The following PDE3A variants were observed in gnomAD, a reference collection of about 807,000 sequenced individuals.
The protein encoded by PDE3A is phosphodiesterase 3A.
A neutral mutation model predicts 98.3 loss-of-function variants in PDE3A; 43 were observed. That is an observed-to-expected ratio of 0.44 (90% CI 0.34 to 0.56). PDE3A has a LOEUF of 0.56. Among genes scored for constraint, PDE3A ranks in the 20% least tolerant of loss-of-function variants. The pLI is 0.01. For synonymous variants in PDE3A, 663 were observed against 567.9 expected (o/e 1.17, Z -2.38); for missense variants, 1,427 against 1,440.7 (o/e 0.99, Z 0.15).
At chr12:20,540,487 T>G (rs1311404549) in intron 1 of PDE3A, among the ~76,000 whole-genome samples, 1 of 152,086 alleles carries the variant, frequency 6.6e-6, no homozygotes. Flanking sequence ...CTTGGGCATA[T>G]GGGGCACACC....
chr12:20,512,194 A>G (rs1946239169), intron 1 of PDE3A, among the ~76,000 whole-genome samples: 1 of 152,066 alleles, frequency 6.6e-6, no homozygotes, highest in African/African-American at 2.4e-5. Flanking sequence ...CTATTGGTCC[A>G]TTAGTTATAA....
chr12:20,650,323 A>G, intron 13 of PDE3A, 122 bp from the exon 14 acceptor site: 1 of 511,654 alleles, frequency 2.0e-6, no homozygotes. Context: ...AGAGGTTCCC[A>G]ATTATTTGGT....
At chr12:20,512,301 C>A (rs1946241947) in intron 1 of PDE3A, among the ~76,000 whole-genome samples, 2 of 151,994 alleles carry the variant, frequency 1.3e-5, no homozygotes, top group Non-Finnish European at 2.9e-5. Context: ...CTTCAAAAGT[C>A]TTCTGTAAAA....
rs749422238 is a variant in PDE3A, at chr12:20,639,967, T to A, written c.2251+10T>A. 1.4e-5 allele frequency: 16 copies of A among 1,126,834 alleles called. No individual in the cohort carries two copies. Among genetic ancestry groups the A allele is most frequent in the Non-Finnish European group, 2.2e-5 (16 of 740,470 alleles). The allele number at this position is 1,126,834 out of a possible 1,614,324, so 69.8% of individuals were successfully genotyped here. ...TATAGGGATATTCCTTGTAAGTATATGTGATTTGTGAAATAATACTTTTAA... is the reference window on the plus strand; with the variant it reads ...TATAGGGATATTCCTTGTAAGTATAAGTGATTTGTGAAATAATACTTTTAA... On this transcript the variant is annotated intron_variant, in intron 10 of 15. Transcript: ENST00000359062.
At chr12:20,479,850 T>C (rs1945593226) in intron 1 of PDE3A, among the ~76,000 whole-genome samples, 1 of 152,294 alleles carries the variant, frequency 6.6e-6, no homozygotes, top group African/African-American at 2.4e-5. Context: ...AAGTCTTAAA[T>C]TGATTTTAAA....
At chr12:20,386,014 ATAAAATATATATAT>A (rs1565532336) in intron 1 of PDE3A, among the ~76,000 whole-genome samples, 1 of 104,324 alleles carries the variant, frequency 9.6e-6, no homozygotes. Context: ...ATAAATATAT[ATAAAATATATATAT>A]AAATATATAT....
Position 20,369,409 on chromosome 12 carries a change from G to C in PDE3A, c.125G>C (p.Gly42Ala), listed in dbSNP as rs1360250786. The change falls in exon 1 of 16, where the codon GGC becomes GCC. Residue 42 changes from glycine to alanine, a missense_variant. Gly to Ala is a moderately conservative substitution (Grantham distance 60). Around this residue, in one of 3 missense-constraint regions of PDE3A, gnomAD observed 1,012 missense variants for 886.5 expected, o/e 1.14. Coordinates refer to ENST00000359062, the MANE Select transcript of PDE3A (RefSeq NM_000921.5). ...RADPASPRDS[G>A]CRGCWGDLVL... ...GACCCCGCATCGCCGCGGGACTCGG[G>C]CTGCCGTGGCTGCTGGGGAGACCTG... 11 of 1,553,440 alleles carry C rather than the reference G, an allele frequency of 7.1e-6. No homozygotes were observed. The East Asian group carries it at 2.7e-4, about 38-fold the overall frequency.
In PDE3A at chr12:20,370,010, C is replaced by G; in HGVS notation, c.726C>G (p.Tyr242Ter). ...FKVAWRPYLAYLAGVLGILLA... is the reference protein window; with the variant it reads ...FKVAWRPYLA ...TCGCCTGGAGACCTTACCTGGCGTA[C>G]CTGGCCGGCGTGCTGGGGATCCTCT... Residue 242 changes from tyrosine to a stop codon, truncating the protein, a stop_gained, in exon 1 of 16, where the codon TAC becomes TAG. Transcript: ENST00000359062. LOFTEE classifies it high-confidence loss of function. 1 of 1,613,008 alleles carries G rather than the reference C, an allele frequency of 6.2e-7. No individual in the cohort carries two copies. Among genetic ancestry groups the G allele is most frequent in the Non-Finnish European group, 8.5e-7 (1 of 1,179,960 alleles).
At chr12:20,494,872 C>CAAAAA (rs5796864) in intron 1 of PDE3A, among the ~76,000 whole-genome samples, 2 of 143,564 alleles carry the variant, frequency 1.4e-5, no homozygotes, top group Non-Finnish European at 1.5e-5. Flanking sequence ...AACAATTCCG[C>CAAAAA]AAAAAAAAAA....
rs758267943 is a variant in PDE3A, at chr12:20,668,374, G to A, written c.3185-11656G>A. Among the ~76,000 whole-genome samples, 560 of 152,250 alleles carry A rather than the reference G, an allele frequency of 3.7e-3. 3 individuals are homozygous for A. Among genetic ancestry groups the A allele is most frequent in the East Asian group, 0.011 (55 of 5,154 alleles). On this transcript the variant is annotated intron_variant, in intron 15 of 15. Coordinates refer to ENST00000359062, the MANE Select transcript of PDE3A (RefSeq NM_000921.5). Reference sequence around the variant, plus strand: ...AGCTCAAGGAGGCCTGCCTGCCTCTGTAGGCTCCACCTCTGGGGGCAGGGC... The same window carrying A: ...AGCTCAAGGAGGCCTGCCTGCCTCTATAGGCTCCACCTCTGGGGGCAGGGC...
intron 1 of PDE3A, among the ~76,000 whole-genome samples, chr12:20,482,744 T>C (rs1178677930): frequency 1.3e-5 from 2 of 152,238 alleles, no homozygotes; most frequent in African/African-American, 4.8e-5. Flanking sequence ...ACTATGTTTT[T>C]GAATGTTTTG....
intron 1 of PDE3A, among the ~76,000 whole-genome samples, chr12:20,497,423 G>C (rs905017956): frequency 6.6e-6 from 1 of 151,504 alleles, no homozygotes; most frequent in Non-Finnish European, 1.5e-5. Flanking sequence ...TGTATTCTAA[G>C]AGTCTCCTCT....
Position 20,673,274 on chromosome 12 carries a change from T to C in PDE3A, c.3185-6756T>C, listed in dbSNP as rs1442147884. 6.6e-5 allele frequency among the ~76,000 whole-genome samples: 10 copies of C among 151,350 alleles called. No homozygotes were observed. The East Asian group carries it at 1.8e-3, about 27-fold the overall frequency. ...GTGGGACTGTAAACTAGTTCAACCATTGTGGAAGTCAGTGTGGCGATTCCT... is the reference window on the plus strand; with the variant it reads ...GTGGGACTGTAAACTAGTTCAACCACTGTGGAAGTCAGTGTGGCGATTCCT... On this transcript the variant is annotated intron_variant, in intron 15 of 15. Coordinates refer to ENST00000359062, the MANE Select transcript of PDE3A (RefSeq NM_000921.5).
chr12:20,663,892 T>G (rs1014394558), intron 15 of PDE3A, among the ~76,000 whole-genome samples: 4 of 152,148 alleles, frequency 2.6e-5, no homozygotes, highest in African/African-American at 9.7e-5. Context: ...CAGAATAATA[T>G]GATTTGGCTA....
At chr12:20,654,660 C>CTTTTTTTTTT (rs71442265) in intron 15 of PDE3A, among the ~76,000 whole-genome samples, 251 of 85,876 alleles carry the variant, frequency 2.9e-3, no homozygotes, top group African/African-American at 3.2e-3. Flanking sequence ...CTACACCCGG[C>CTTTTTTTTTT]TTTTTTTTTT....
chr12:20,648,501 G>A lies in PDE3A; in HGVS notation c.2566-187G>A, dbSNP rs574079280. ...GAAAGGAATTTATCTTACAAAAAGTGGAAATTTAACCAAGAAAAATAATAG... is the reference window on the plus strand; with the variant it reads ...GAAAGGAATTTATCTTACAAAAAGTAGAAATTTAACCAAGAAAAATAATAG... On this transcript the variant is annotated intron_variant, in intron 12 of 15. Transcript: ENST00000359062. 1.2e-4 allele frequency among the ~76,000 whole-genome samples: 19 copies of A among 152,084 alleles called. 1 individual carries two copies. In the East Asian group the frequency reaches 2.9e-3, roughly 23 times the overall value.
chr12:20,522,580 T>C (rs532440110), intron 1 of PDE3A, among the ~76,000 whole-genome samples: 3 of 152,296 alleles, frequency 2.0e-5, no homozygotes, highest in Non-Finnish European at 4.4e-5. Flanking sequence ...ACTTGACTGA[T>C]GTGAGAATAT....
In PDE3A at chr12:20,370,063, C is replaced by G. The variant is rs778054475; in HGVS notation, c.779C>G (p.Pro260Arg). The change falls in exon 1 of 16, where the codon CCG (proline) becomes CGG (arginine). Residue 260 changes from proline to arginine, a missense_variant. By Grantham distance (103) the Pro-to-Arg change is moderately radical (BLOSUM62 -2). Around this residue, in one of 3 missense-constraint regions of PDE3A, gnomAD observed 1,012 missense variants for 886.5 expected, o/e 1.14. Coordinates refer to ENST00000359062, the MANE Select transcript of PDE3A (RefSeq NM_000921.5). ...LLARYVEQIL[P>R]QSAEAAPREH... ...GCCAGGTACGTGGAACAAATCTTGC[C>G]GCAGTCCGCGGAGGCGGCTCCAAGG... 6.2e-7 allele frequency: 1 copy of G among 1,612,662 alleles called. No individual in the cohort carries two copies. The highest frequency in any genetic ancestry group is 1.1e-5 in the South Asian group (1 of 91,054).
At chr12:20,513,694 G>A (rs1592005744) in intron 1 of PDE3A, among the ~76,000 whole-genome samples, 1 of 152,046 alleles carries the variant, frequency 6.6e-6, no homozygotes, top group Admixed American at 6.6e-5. Flanking sequence ...AGGAGATTGT[G>A]TTGATATGTT....
Sources: gnomAD v4.1 joint callset for allele counts (sites outside exome capture counted in the v4.1 genomes callset) on GRCh38, gnomAD v4.1.1 for gene constraint, gnomAD v4.1.1 regional missense constraint, MANE v1.5 for transcripts, NCBI Gene and HGNC (gene_info 2026-07-23, HGNC 2026-07-21) for gene names.